The following VPS13A variants were observed in gnomAD, a reference collection of about 807,000 sequenced individuals.
The protein encoded by VPS13A is vacuolar protein sorting 13 homolog A, also known as intermembrane lipid transfer protein VPS13A.
VPS13A carries 264 observed loss-of-function variants against 390.9 expected under a neutral mutation model. That is an observed-to-expected ratio of 0.68 (90% CI 0.61 to 0.75). The LOEUF (loss-of-function observed/expected upper bound fraction) is 0.75. VPS13A is among the 30% of genes least tolerant of loss of function. The probability of loss-of-function intolerance (pLI) is 0.00; values close to 1 mark genes in which losing one functional copy is unlikely to be tolerated. For synonymous variants in VPS13A, 1,231 were observed against 1,227.1 expected, an observed-to-expected ratio of 1.00 and a Z score of -0.07; for missense variants, 3,409 against 3,733.9, an observed-to-expected ratio of 0.91 and a Z score of 2.27.
intron 7 of VPS13A, among the ~76,000 whole-genome samples, chr9:77,212,011 C>T (rs1051769463): frequency 6.6e-6 from 1 of 152,142 alleles, no homozygotes; most frequent in Non-Finnish European, 1.5e-5. Context: ...AAGTTATCTC[C>T]TATGAAACTG....
intron 46 of VPS13A, among the ~76,000 whole-genome samples, chr9:77,334,219 G>T (rs1479038792): frequency 6.6e-6 from 1 of 152,164 alleles, no homozygotes; most frequent in Non-Finnish European, 1.5e-5. Flanking sequence ...GTGCATGTTG[G>T]AAGATAAAAT....
At chr9:77,235,132 A>G (rs1824070886) in intron 17 of VPS13A, among the ~76,000 whole-genome samples, 1 of 152,212 alleles carries the variant, frequency 6.6e-6, no homozygotes, top group East Asian at 1.9e-4. Context: ...AGTTACAATT[A>G]CAACAGTTCT....
At chr9:77,220,487 C>A (rs1823145726) in intron 12 of VPS13A, 104 bp downstream of exon 12, 3 of 778,304 alleles carry the variant, frequency 3.9e-6, no homozygotes, top group Non-Finnish European at 6.2e-6. Context: ...TTTTTAAGGT[C>A]TGATACAAAC....
chr9:77,332,045 C>T lies in VPS13A; in HGVS notation c.6027C>T (p.Tyr2009=), dbSNP rs17424026. The part of the protein sequence containing the change: ...RNHFSVPLSV[Y]EGDTLLGTAS... ...ATTTTTCAGTCCCACTGTCTGTTTA[C>T]GAAGGGGATACCTTATTGGGAACTG... The change falls in exon 46 of 72, where the codon TAC becomes TAT. Residue 2009 remains tyrosine, a synonymous_variant. Coordinates refer to ENST00000360280, the MANE Select transcript of VPS13A (RefSeq NM_033305.3). 141,722 of 1,609,004 alleles carry T rather than the reference C, an allele frequency of 0.088. 6,715 individuals are homozygous for T. The highest frequency in any genetic ancestry group is 0.13 in the East Asian group (5,974 of 44,600).
At chr9:77,341,691 C>CTTTTTTTTTTATTTTTTTTTTTTTT (rs1830824920) in intron 50 of VPS13A, among the ~76,000 whole-genome samples, 1 of 37,824 alleles carries the variant, frequency 2.6e-5, no homozygotes, top group Non-Finnish European at 4.6e-5. Flanking sequence ...GACATCTTTC[C>CTTTTTTTTTTATTTTTTTTTTTTTT]TTTTTTTTTT....
At chr9:77,382,818 G>A (rs1486199632) in intron 68 of VPS13A, 3 of 985,356 alleles carry the variant, frequency 3.0e-6, no homozygotes, top group Non-Finnish European at 3.6e-6. Context: ...ATACAAAGTA[G>A]CATCTGGAAC....
chr9:77,306,591 G>A (rs1231224979), intron 34 of VPS13A, among the ~76,000 whole-genome samples: 1 of 152,046 alleles, frequency 6.6e-6, no homozygotes, highest in East Asian at 1.9e-4. Context: ...CGAGTCTGAA[G>A]GCAGTCTGCT....
Position 77,394,506 on chromosome 9 carries a change from C to A in VPS13A, c.9190-8730C>A, listed in dbSNP as rs182704060. On this transcript the variant is annotated intron_variant, in intron 68 of 71. Coordinates refer to ENST00000360280, the MANE Select transcript of VPS13A (RefSeq NM_033305.3). ...ATCCCTTGAACCCAGAACTTCAAGT[C>A]CAGGTTGAGCAAAACAGCAAGACCA... 2.8e-3 allele frequency among the ~76,000 whole-genome samples: 425 copies of A among 152,206 alleles called. 6 individuals carry two copies. Among genetic ancestry groups the A allele is most frequent in the Non-Finnish European group, 4.1e-4 (28 of 67,996 alleles).
intron 34 of VPS13A, among the ~76,000 whole-genome samples, chr9:77,305,071 T>C (rs1427099753): frequency 6.6e-6 from 1 of 151,998 alleles, no homozygotes; most frequent in Non-Finnish European, 1.5e-5. Flanking sequence ...CCCGAATAGC[T>C]GGGACTACAG....
At chr9:77,208,758 C>G (rs961122245) in intron 5 of VPS13A, among the ~76,000 whole-genome samples, 1 of 152,232 alleles carries the variant, frequency 6.6e-6, no homozygotes, top group Admixed American at 6.5e-5. Context: ...CCATAGTGGC[C>G]AGGTTGGTCT....
intron 1 of VPS13A, among the ~76,000 whole-genome samples, chr9:77,187,412 A>T (rs1308078801): frequency 1.3e-5 from 2 of 152,112 alleles, no homozygotes; most frequent in Non-Finnish European, 2.9e-5. Flanking sequence ...TTTTTTTGAT[A>T]GTAGTTATCC....
intron 63 of VPS13A, 57 bp downstream of exon 63, chr9:77,369,469 A>T: frequency 1.8e-6 from 2 of 1,112,514 alleles, no homozygotes; most frequent in Non-Finnish European, 2.8e-6. Flanking sequence ...TGAATAGATA[A>T]TACTTTTCTA....
At chr9:77,295,421 A>G (rs1017635957) in intron 32 of VPS13A, 121 bp from the exon 33 acceptor site, 4 of 808,832 alleles carry the variant, frequency 4.9e-6, no homozygotes, top group Non-Finnish European at 7.1e-6. Flanking sequence ...TGAATAAATA[A>G]TGCTTGGTTG....
Position 77,369,391 on chromosome 9 carries a change from AT to A in VPS13A, c.8653del (p.Tyr2885MetfsTer20). 4.3e-6 allele frequency: 7 copies of A among 1,610,078 alleles called. No homozygotes were observed. Among genetic ancestry groups the A allele is most frequent in the Non-Finnish European group, 6.0e-6 (7 of 1,176,458 alleles). Reference sequence around the variant, plus strand: ...GAGAATTTTCTGAAGGTGTAGAAGCATTTTTTTATGAACCTTACCAGGTAAA... The same window carrying A: ...GAGAATTTTCTGAAGGTGTAGAAGCATTTTTTATGAACCTTACCAGGTAAA... ...IREFSEGVEA[F>X]FYEPYQGAIQ... is the part of the protein sequence containing the mutation. On this transcript the variant is annotated frameshift_variant, in exon 63 of 72. Coordinates refer to ENST00000360280, the MANE Select transcript of VPS13A (RefSeq NM_033305.3). LOFTEE classifies it high-confidence loss of function.
intron 19 of VPS13A, among the ~76,000 whole-genome samples, chr9:77,242,070 G>A (rs1416564104): frequency 3.3e-5 from 5 of 152,068 alleles, no homozygotes; most frequent in Non-Finnish European, 7.4e-5. Context: ...CAATTTCATT[G>A]TCAAAGTTTT....
At chr9:77,412,400 T>C (rs1199135980) in intron 71 of VPS13A, among the ~76,000 whole-genome samples, 2 of 152,196 alleles carry the variant, frequency 1.3e-5, no homozygotes, top group African/African-American at 4.8e-5. Flanking sequence ...TCTACCATGA[T>C]CAAGTGGGCT....
chr9:77,329,723 A>G (rs895268194), intron 45 of VPS13A, among the ~76,000 whole-genome samples: 9 of 152,228 alleles, frequency 5.9e-5, no homozygotes, highest in Non-Finnish European at 8.8e-5. Flanking sequence ...CAAACCTTTA[A>G]TTTGTAAAAA....
At chr9:77,240,974 C>G (rs564849451) in intron 19 of VPS13A, among the ~76,000 whole-genome samples, 1 of 151,870 alleles carries the variant, frequency 6.6e-6, no homozygotes, top group Non-Finnish European at 1.5e-5. Flanking sequence ...CTTTTGTATT[C>G]TGTTGTCGCA....
At chr9:77,321,132 G>C (rs749035257) in intron 42 of VPS13A, 37 bp from the exon 43 acceptor site, 3 of 1,582,130 alleles carry the variant, frequency 1.9e-6, no homozygotes, top group Non-Finnish European at 2.6e-6. Flanking sequence ...TGTGTTCTTA[G>C]AATTTTTCCT....
Sources: gnomAD v4.1 joint callset for allele counts (sites outside exome capture counted in the v4.1 genomes callset) on GRCh38, gnomAD v4.1.1 for gene constraint, MANE v1.5 for transcripts, NCBI Gene and HGNC (gene_info 2026-07-23, HGNC 2026-07-21) for gene names.